The following TMEM63A variants were observed in gnomAD, a reference collection of about 807,000 sequenced individuals.
The protein encoded by TMEM63A is mechanosensitive cation channel TMEM63A.
In TMEM63A, 76 loss-of-function variants were observed where a neutral mutation model predicts 100.6. The ratio of observed to expected loss-of-function variants is 0.76; its 90% CI spans 0.63 to 0.91. The LOEUF (loss-of-function observed/expected upper bound fraction) is 0.91. Ranked by LOEUF, TMEM63A falls within the 40% of genes least tolerant of loss-of-function variation. The probability of loss-of-function intolerance (pLI) is 0.00; values close to 1 mark genes in which losing one functional copy is unlikely to be tolerated. For synonymous variants in TMEM63A, 401 were observed against 401.1 expected (o/e 1.00, Z 0.00); for missense variants, 876 against 1,008.8 (o/e 0.87, Z 1.78).
At chr1:225,856,467 G>C (rs1290590768) in intron 17 of TMEM63A, among the ~76,000 whole-genome samples, 185 bp downstream of exon 17, 1 of 151,168 alleles carries the variant, frequency 6.6e-6, no homozygotes, top group Non-Finnish European at 1.5e-5. Context: ...TTTTAAAGAA[G>C]AACAATCAAT....
chr1:225,846,996 C>G lies in TMEM63A; in HGVS notation c.*6+38G>C, dbSNP rs571765458. ...GGCCGCTTCACCTGTCTTCTCACCCCACAGGCTCCCCTGAGCCTGGCCCAG... is the reference window on the plus strand; with the variant it reads ...GGCCGCTTCACCTGTCTTCTCACCCGACAGGCTCCCCTGAGCCTGGCCCAG... On this transcript the variant is annotated intron_variant, in intron 24 of 24. Transcript: ENST00000366835. 35 of 1,569,754 alleles carry G rather than the reference C, an allele frequency of 2.2e-5. No homozygotes were observed. The East Asian group carries it at 6.8e-4, about 30-fold the overall frequency.
chr1:225,849,164 C>A (rs954447672), intron 21 of TMEM63A, 152 bp from the exon 22 acceptor site: 3 of 619,002 alleles, frequency 4.8e-6, no homozygotes, highest in African/African-American at 3.7e-5. Context: ...CCCCCACCCC[C>A]ACCCCTCAAC....
chr1:225,853,673 T>C lies in TMEM63A; in HGVS notation c.1753A>G (p.Met585Val), dbSNP rs1461403517. The C allele has an allele frequency of 8.9e-6, 14 of 1,581,120 alleles. No individual in the cohort carries two copies. The highest frequency in any genetic ancestry group is 1.2e-5 in the South Asian group (1 of 86,502). The change falls in exon 19 of 25, where the codon ATG (methionine) becomes GTG (valine). Residue 585 changes from methionine (M) to valine (V), a missense_variant. Transcript: ENST00000366835. This position sits in a 1 kb window ranked among gnomAD's most constrained non-coding sequence, Gnocchi z 4.0. ...LPGLILYTFR[M>V]IMAKTAADRR... ...TCAGCAGCCGTCTTGGCCATGATCA[T>C]GCGGAAGGTATAGAGGATGAGACCT...
At chr1:225,845,172 T>C (rs1668849124), downstream of TMEM63A, 4 of 1,614,120 alleles carry the variant, frequency 2.5e-6, no homozygotes, top group Non-Finnish European at 2.5e-6. Flanking sequence ...CCCACTGGCT[T>C]CTCTGCCTTC....
At chr1:225,845,333 C>T, downstream of TMEM63A, 1 of 1,610,626 alleles carries the variant, frequency 6.2e-7, no homozygotes. Context: ...CCTGTCGGTG[C>T]TGGAGCGGCA....
intron 4 of TMEM63A, among the ~76,000 whole-genome samples, chr1:225,873,918 G>A (rs921696044): frequency 6.6e-6 from 1 of 152,206 alleles, no homozygotes; most frequent in South Asian, 2.1e-4. Flanking sequence ...AGCCAACAAG[G>A]TTCATAGCCT....
At chr1:225,845,174 T>G, downstream of TMEM63A, 1 of 1,614,172 alleles carries the variant, frequency 6.2e-7, no homozygotes, top group Non-Finnish European at 8.5e-7. Flanking sequence ...CACTGGCTTC[T>G]CTGCCTTCCC....
intron 2 of TMEM63A, 90 bp from the exon 3 acceptor site, chr1:225,877,684 G>A (rs572021526): frequency 6.3e-5 from 83 of 1,325,570 alleles, no homozygotes; most frequent in African/African-American, 3.8e-4. Context: ...AAAGGCAGGC[G>A]TTTCCCAGGG....
intron 14 of TMEM63A, chr1:225,859,647 C>CTTTTT: frequency 8.9e-6 from 3 of 335,760 alleles, no homozygotes; most frequent in East Asian, 7.5e-5. Context: ...TTTTCTTTTT[C>CTTTTT]TGTTTTTTTT....
chr1:225,849,058 A>G (rs369904437), intron 21 of TMEM63A, 46 bp from the exon 22 acceptor site: 2 of 1,235,074 alleles, frequency 1.6e-6, no homozygotes, highest in South Asian at 1.3e-5. Flanking sequence ...GGGAGGGGCC[A>G]CCACCTACCC....
Position 225,845,727 on chromosome 1 carries a change from C to G in TMEM63A, c.*1212G>C. 1 of 348,386 alleles carries G rather than the reference C, an allele frequency of 2.9e-6. No individual in the cohort carries two copies. The highest frequency in any genetic ancestry group is 5.4e-6 in the Non-Finnish European group (1 of 183,906). The allele number at this position is 348,386 out of a possible 1,614,324, so 21.6% of individuals were successfully genotyped here. ...CACCAGACCAATGGCACCGCCCCCA[C>G]CCCTCCCAGCGCAGGGGCAGCTTGG... On this transcript the variant is annotated 3_prime_UTR_variant, in exon 25 of 25. Coordinates refer to ENST00000366835, the MANE Select transcript of TMEM63A (RefSeq NM_014698.3).
At chr1:225,869,536 T>C (rs929029451) in intron 6 of TMEM63A, among the ~76,000 whole-genome samples, 1 of 152,184 alleles carries the variant, frequency 6.6e-6, no homozygotes, top group Non-Finnish European at 1.5e-5. Flanking sequence ...GCATATGTTA[T>C]CCTCAGCCTC....
At position 225,850,072 on chromosome 1, in the gene TMEM63A, G is replaced by C; in HGVS notation, c.1911C>G (p.Ile637Met). The part of the protein sequence containing the change: ...TCPIIAPFGL[I>M]YILLKHMVDR... ...CCACCATGTGCTTGAGCAGGATGTA[G>C]ATGAGGCCTGCAGGGGATGGGGCTG... The change falls in exon 21 of 25, where the codon ATC becomes ATG. Residue 637 changes from isoleucine (I) to methionine (M), a missense_variant. Transcript: ENST00000366835. 6.2e-7 allele frequency: 1 copy of C among 1,614,174 alleles called. No homozygotes were observed. Among genetic ancestry groups the C allele is most frequent in the South Asian group, 1.1e-5 (1 of 91,076 alleles).
intron 23 of TMEM63A, among the ~76,000 whole-genome samples, chr1:225,847,646 C>T (rs966286873): frequency 1.1e-4 from 16 of 152,168 alleles, no homozygotes; most frequent in African/African-American, 3.9e-4. Flanking sequence ...CAGCCACTGA[C>T]CCCAGGCACA....
intron 20 of TMEM63A, among the ~76,000 whole-genome samples, chr1:225,851,296 G>T (rs182874583): frequency 3.2e-3 from 487 of 152,344 alleles, no homozygotes; most frequent in Non-Finnish European, 3.9e-3. Flanking sequence ...TACCCCAGGG[G>T]TGGCACAGGA....
At chr1:225,857,397 G>GGGGGGGGGGGGGGGGGGGGGGGCCCCC in intron 15 of TMEM63A, among the ~76,000 whole-genome samples, 1 of 72,648 alleles carries the variant, frequency 1.4e-5, no homozygotes, top group African/African-American at 4.5e-5. Context: ...GGGGGGGGGG[G>GGGGGGGGGGGGGGGGGGGGGGGCCCCC]TGCCCTGCCT....
chr1:225,865,624 T>C lies in TMEM63A; in HGVS notation c.746+273A>G, dbSNP rs998370302. On this transcript the variant is annotated intron_variant, in intron 10 of 24. Transcript: ENST00000366835. This position sits in a 1 kb window ranked among gnomAD's most constrained non-coding sequence, Gnocchi z 4.6. ...CCCCGTATGCTCTCAAGACGTTTAT[T>C]CGCACCTACACCCTGGTCTGTGCTC... is the stretch of plus-strand genomic sequence containing the variant. 1 of 400,262 alleles carries C rather than the reference T, an allele frequency of 2.5e-6. No individual in the cohort carries two copies. Among genetic ancestry groups the C allele is most frequent in the Non-Finnish European group, 4.7e-6 (1 of 214,424 alleles). The allele number at this position is 400,262 out of a possible 1,614,324, so 24.8% of individuals were successfully genotyped here. A position where few individuals can be genotyped will look rare whatever the true frequency, so the allele number is the denominator to read the frequency against.
Position 225,865,812 on chromosome 1 carries a change from T to A in TMEM63A, c.746+85A>T. 1.4e-6 allele frequency: 2 copies of A among 1,397,796 alleles called. No homozygotes were observed. The highest frequency in any genetic ancestry group is 2.0e-6 in the Non-Finnish European group (2 of 1,001,310). 86.6% of individuals were successfully genotyped at this position (1,397,796 alleles called of 1,614,324 possible). ...TACCCAAGCGAGAGACAGAAGGCGC[T>A]CACCTAAGGTGCTCGCCCTGCGGGT... is the stretch of plus-strand genomic sequence containing the variant. On this transcript the variant is annotated intron_variant, in intron 10 of 24. Transcript: ENST00000366835. The surrounding 1 kb of genome is among the most constrained non-coding windows in gnomAD (Gnocchi z 4.6).
chr1:225,845,340 G>A (rs2234701), downstream of TMEM63A: 313 of 1,609,100 alleles, frequency 1.9e-4, no homozygotes, highest in Middle Eastern at 6.8e-4. Context: ...GTGCTGGAGC[G>A]GCAATGACCC....
Sources: gnomAD v4.1 joint callset for allele counts (sites outside exome capture counted in the v4.1 genomes callset) on GRCh38, gnomAD v4.1.1 for gene constraint, Gnocchi (gnomAD v3.1) non-coding constraint, MANE v1.5 for transcripts, NCBI Gene and HGNC (gene_info 2026-07-23, HGNC 2026-07-21) for gene names.